The following MMP16 variants were observed in gnomAD, a reference collection of about 807,000 sequenced individuals.
MMP16 encodes the protein matrix metallopeptidase 16.
In MMP16, 12 loss-of-function variants were observed where a neutral mutation model predicts 67.8. That is an observed-to-expected ratio of 0.18 (90% CI 0.11 to 0.29). The LOEUF is 0.29. MMP16 is among the 10% of genes least tolerant of loss of function. The pLI, the probability that MMP16 is intolerant of heterozygous loss-of-function variation, is 1.00. For missense variants in MMP16, 475 were observed against 765.7 expected (o/e 0.62, Z 4.48); for synonymous variants, 249 against 255.9 (o/e 0.97, Z 0.26).
chr8:88,149,395 A>G (rs1479334283), intron 4 of MMP16, among the ~76,000 whole-genome samples: 2 of 152,058 alleles, frequency 1.3e-5, no homozygotes, highest in African/African-American at 4.8e-5. Flanking sequence ...TGTAGGCTCC[A>G]CCTCTGGGGG....
At chr8:88,241,806 A>C (rs980480725) in intron 1 of MMP16, among the ~76,000 whole-genome samples, 3 of 152,088 alleles carry the variant, frequency 2.0e-5, no homozygotes, top group Non-Finnish European at 4.4e-5. Context: ...TAATTAGTGT[A>C]TTCATTACTT....
chr8:88,320,654 T>C (rs1262629698), intron 1 of MMP16, among the ~76,000 whole-genome samples: 1 of 152,182 alleles, frequency 6.6e-6, no homozygotes, highest in Non-Finnish European at 1.5e-5. Flanking sequence ...AAATCTACAA[T>C]TGGCTATGAT....
intron 4 of MMP16, among the ~76,000 whole-genome samples, chr8:88,157,007 T>C (rs1430908766): frequency 2.0e-5 from 3 of 152,122 alleles, no homozygotes; most frequent in Non-Finnish European, 4.4e-5. Flanking sequence ...AGACATGGAC[T>C]AGCTGTTCAT....
At chr8:88,248,770 G>T (rs533335123) in intron 1 of MMP16, among the ~76,000 whole-genome samples, 3 of 148,216 alleles carry the variant, frequency 2.0e-5, no homozygotes, top group Non-Finnish European at 4.5e-5. Context: ...AATCTCACTG[G>T]CAGGTTGTAT....
In MMP16 at chr8:88,297,417, A is replaced by C. The variant is rs529731551; in HGVS notation, c.132+29658T>G. On this transcript the variant is annotated intron_variant, in intron 1 of 9. Coordinates refer to ENST00000286614, the MANE Select transcript of MMP16 (RefSeq NM_005941.5). ...CTGCCCTTTGTAGGTACCTGAGAGAAGAAATCAGCCTCAGTCATTATGATT... is the reference window on the plus strand; with the variant it reads ...CTGCCCTTTGTAGGTACCTGAGAGACGAAATCAGCCTCAGTCATTATGATT... Among the ~76,000 whole-genome samples the C allele has an allele frequency of 9.2e-4, 140 of 152,330 alleles. 1 individual carries two copies. The highest frequency in any genetic ancestry group is 1.7e-3 in the Non-Finnish European group (114 of 68,030).
intron 2 of MMP16, among the ~76,000 whole-genome samples, chr8:88,187,503 A>G (rs909058771): frequency 6.6e-6 from 1 of 152,184 alleles, no homozygotes; most frequent in Admixed American, 6.5e-5. Flanking sequence ...GGTAAGGCAG[A>G]AAATTCATAG....
chr8:88,240,917 C>T (rs1029784143), intron 1 of MMP16, among the ~76,000 whole-genome samples: 3 of 152,144 alleles, frequency 2.0e-5, no homozygotes, highest in African/African-American at 7.2e-5. Flanking sequence ...TATTATGTCA[C>T]AGTCTGATTT....
chr8:88,180,464 G>C (rs960240491), intron 3 of MMP16, among the ~76,000 whole-genome samples: 1 of 151,760 alleles, frequency 6.6e-6, no homozygotes, highest in African/African-American at 2.4e-5. Context: ...TTATCTTTAT[G>C]CACATTAAAA....
intron 4 of MMP16, among the ~76,000 whole-genome samples, chr8:88,148,497 A>G (rs1808333765): frequency 6.6e-6 from 1 of 152,184 alleles, no homozygotes; most frequent in African/African-American, 2.4e-5. Context: ...GGAGCTGTGT[A>G]TGTATGTGTA....
intron 4 of MMP16, among the ~76,000 whole-genome samples, chr8:88,124,546 A>C (rs1807893929): frequency 6.6e-6 from 1 of 151,940 alleles, no homozygotes; most frequent in Non-Finnish European, 1.5e-5. Context: ...ACATCTTTTC[A>C]AGGCTCTACT....
chr8:88,158,717 G>A (rs1808558989), intron 4 of MMP16, among the ~76,000 whole-genome samples: 1 of 152,136 alleles, frequency 6.6e-6, no homozygotes, highest in Non-Finnish European at 1.5e-5. Flanking sequence ...TGCTTTTGGT[G>A]TTTTAGTCAT....
At chr8:88,130,671 G>T (rs1024619937) in intron 4 of MMP16, among the ~76,000 whole-genome samples, 5 of 151,476 alleles carry the variant, frequency 3.3e-5, no homozygotes, top group African/African-American at 1.2e-4. Flanking sequence ...TGGCAACGTG[G>T]TTAAGAATTT....
intron 1 of MMP16, among the ~76,000 whole-genome samples, chr8:88,252,371 C>T (rs1179630364): frequency 2.0e-5 from 3 of 151,978 alleles, no homozygotes; most frequent in Non-Finnish European, 2.9e-5. Flanking sequence ...ACAACTGTAG[C>T]CCTCCAACTG....
At chr8:88,087,298 C>T (rs1333089582) in intron 6 of MMP16, among the ~76,000 whole-genome samples, 1 of 151,880 alleles carries the variant, frequency 6.6e-6, no homozygotes, top group African/African-American at 2.4e-5. Flanking sequence ...CTTTAAGGTA[C>T]AATCTAGGCT....
intron 3 of MMP16, among the ~76,000 whole-genome samples, chr8:88,170,025 A>C (rs1808774271): frequency 6.6e-6 from 1 of 152,150 alleles, no homozygotes; most frequent in Non-Finnish European, 1.5e-5. Context: ...TCCAGGTGAG[A>C]GATGATGGTG....
intron 1 of MMP16, among the ~76,000 whole-genome samples, chr8:88,296,160 G>T (rs372682098): frequency 6.6e-6 from 1 of 151,842 alleles, no homozygotes; most frequent in Non-Finnish European, 1.5e-5. Flanking sequence ...ACGATTATTC[G>T]CCAGCTTCTA....
chr8:88,215,578 C>T (rs1156758647), intron 1 of MMP16, among the ~76,000 whole-genome samples: 2 of 152,006 alleles, frequency 1.3e-5, no homozygotes, highest in Admixed American at 1.3e-4. Flanking sequence ...AACCTCAATG[C>T]CGTTCTCTAC....
At chr8:88,151,765 A>T (rs1204127647) in intron 4 of MMP16, among the ~76,000 whole-genome samples, 3 of 151,390 alleles carry the variant, frequency 2.0e-5, no homozygotes, top group Non-Finnish European at 4.4e-5. Context: ...AAAGCAGGAA[A>T]GATCCAAAAT....
At chr8:88,097,926 A>G (rs1183390480) in intron 6 of MMP16, among the ~76,000 whole-genome samples, 1 of 152,014 alleles carries the variant, frequency 6.6e-6, no homozygotes, top group East Asian at 2.0e-4. Flanking sequence ...TTAAGGGCAC[A>G]CTACTCCAGA....
Sources: gnomAD v4.1 joint callset for allele counts (sites outside exome capture counted in the v4.1 genomes callset) on GRCh38, gnomAD v4.1.1 for gene constraint, MANE v1.5 for transcripts, NCBI Gene and HGNC (gene_info 2026-07-23, HGNC 2026-07-21) for gene names.